The following IFT43 variants were observed in gnomAD, a reference collection of about 807,000 sequenced individuals.
IFT43 encodes the protein intraflagellar transport 43.
A neutral mutation model predicts 32.3 loss-of-function variants in IFT43; 33 were observed. The observed-to-expected ratio is 1.02, with a 90% CI of 0.77 to 1.37. The LOEUF is 1.37. IFT43 is among the 40% of genes most tolerant of loss of function. The pLI, the probability that IFT43 is intolerant of heterozygous loss-of-function variation, is 0.00. For synonymous variants in IFT43, 93 were observed against 98.2 expected (o/e 0.95, Z 0.31); for missense variants, 274 against 265.9 (o/e 1.03, Z -0.21).
intron 2 of IFT43, among the ~76,000 whole-genome samples, chr14:75,993,732 A>G (rs2035687095): frequency 6.6e-6 from 1 of 152,194 alleles, no homozygotes; most frequent in Non-Finnish European, 1.5e-5. Flanking sequence ...CTGCTCTGCT[A>G]TCTGGAGCCT....
intron 1 of IFT43, among the ~76,000 whole-genome samples, chr14:75,987,245 A>G (rs2035546960): frequency 6.6e-6 from 1 of 152,230 alleles, no homozygotes; most frequent in Non-Finnish European, 1.5e-5. Context: ...ACAAATGGAA[A>G]AGGGCAACCA....
chr14:76,057,676 T>C (rs2037045510), intron 3 of IFT43, among the ~76,000 whole-genome samples: 1 of 152,228 alleles, frequency 6.6e-6, no homozygotes, highest in Non-Finnish European at 1.5e-5. Flanking sequence ...GCCTACCCTG[T>C]CAAGGTCTAC....
At chr14:75,986,078 C>G in intron 1 of IFT43, 3 of 1,480,604 alleles carry the variant, frequency 2.0e-6, no homozygotes, top group Non-Finnish European at 2.7e-6. Context: ...CTGTCCCCGC[C>G]GGCGTCTAGG....
chr14:76,082,430 C>T, intron 6 of IFT43, 63 bp downstream of exon 6: 1 of 1,194,968 alleles, frequency 8.4e-7, no homozygotes, highest in Non-Finnish European at 1.2e-6. Context: ...CTCCAGATAT[C>T]ATCTATAGTG....
chr14:76,020,969 C>G (rs1175521773), intron 2 of IFT43, among the ~76,000 whole-genome samples: 1 of 152,138 alleles, frequency 6.6e-6, no homozygotes, highest in Non-Finnish European at 1.5e-5. Flanking sequence ...GGGAGACATA[C>G]ATGGACACTG....
intron 3 of IFT43, chr14:76,022,658 C>T (rs1382788011): frequency 6.6e-6 from 2 of 301,652 alleles, no homozygotes; most frequent in Non-Finnish European, 1.2e-5. Context: ...TTCCCATGTC[C>T]CCCCAACCTC....
chr14:76,014,317 A>C (rs2036141800), intron 2 of IFT43, among the ~76,000 whole-genome samples: 1 of 152,198 alleles, frequency 6.6e-6, no homozygotes, highest in Non-Finnish European at 1.5e-5. Context: ...GAAAGGATTA[A>C]AAATTTAAGA....
At chr14:76,058,871 G>C in intron 4 of IFT43, 197 bp downstream of exon 4, 1 of 1,503,698 alleles carries the variant, frequency 6.7e-7, no homozygotes, top group South Asian at 1.3e-5. Flanking sequence ...TGGCATTGAT[G>C]CCCATGTCCT....
rs1368432008 is a variant in IFT43 at position 76,043,394 on chromosome 14, G to A, written c.216-15248G>A. On this transcript the variant is annotated intron_variant, in intron 3 of 8. Transcript: ENST00000314067. ...CTCGTGTGCAGGGCCTGGAACTCCA[G>A]GCAGGCCCTCCTTTTTTAGGAAATA... Among the ~76,000 whole-genome samples, 4 of 152,204 alleles carry A rather than the reference G, an allele frequency of 2.6e-5. No homozygotes were observed. The Middle Eastern group carries it at 0.014, about 521-fold the overall frequency.
At chr14:75,995,100 A>G (rs944931237) in intron 2 of IFT43, among the ~76,000 whole-genome samples, 1 of 152,148 alleles carries the variant, frequency 6.6e-6, no homozygotes, top group African/African-American at 2.4e-5. Flanking sequence ...GTCCTAGTTG[A>G]GCCTTATGGT....
At chr14:76,068,939 G>C (rs1203812301) in intron 5 of IFT43, among the ~76,000 whole-genome samples, 1 of 152,164 alleles carries the variant, frequency 6.6e-6, no homozygotes, top group East Asian at 1.9e-4. Context: ...GGAAAACAGG[G>C]CTTAAACAAA....
intron 2 of IFT43, among the ~76,000 whole-genome samples, chr14:76,006,384 G>A (rs914088400): frequency 1.3e-5 from 2 of 152,208 alleles, no homozygotes; most frequent in African/African-American, 4.8e-5. Flanking sequence ...GCCATTGTCA[G>A]CTGGGGTGGT....
At chr14:76,030,472 G>C (rs75148175) in intron 3 of IFT43, among the ~76,000 whole-genome samples, 1 of 152,114 alleles carries the variant, frequency 6.6e-6, no homozygotes, top group South Asian at 2.1e-4. Flanking sequence ...TAGAATTCAC[G>C]GTCTATATAC....
chr14:76,067,442 C>T (rs371203314), intron 5 of IFT43, among the ~76,000 whole-genome samples: 66 of 151,958 alleles, frequency 4.3e-4, no homozygotes, highest in African/African-American at 1.5e-3. Flanking sequence ...TGGTGGTGCA[C>T]GCCTGTAATC....
At chr14:76,003,613 C>T (rs948954097) in intron 2 of IFT43, among the ~76,000 whole-genome samples, 1 of 150,186 alleles carries the variant, frequency 6.7e-6, no homozygotes, top group African/African-American at 2.5e-5. Context: ...GCCTGGGCTA[C>T]AGAGCGAGAC....
chr14:76,078,229 C>T (rs1396204397), intron 5 of IFT43, among the ~76,000 whole-genome samples: 2 of 152,194 alleles, frequency 1.3e-5, no homozygotes, highest in South Asian at 4.1e-4. Context: ...ATGACTGGGT[C>T]TCACGGAAGG....
intron 5 of IFT43, among the ~76,000 whole-genome samples, chr14:76,080,752 G>A (rs1056493268): frequency 1.3e-5 from 2 of 152,130 alleles, no homozygotes; most frequent in African/African-American, 2.4e-5. Context: ...TATTAATCAC[G>A]TAGAACGAGA....
intron 2 of IFT43, among the ~76,000 whole-genome samples, chr14:76,002,488 G>A (rs2035906895): frequency 6.6e-6 from 1 of 152,102 alleles, no homozygotes; most frequent in African/African-American, 2.4e-5. Flanking sequence ...TTTCAGAGAT[G>A]GAGCAGTTCC....
chr14:76,022,682 G>A (rs2036316631), intron 3 of IFT43: 3 of 246,518 alleles, frequency 1.2e-5, no homozygotes, highest in Admixed American at 1.0e-4. Flanking sequence ...AGATCTAGGT[G>A]GTTACCAGTC....
Sources: allele counts gnomAD v4.1 joint callset (sites outside exome capture counted in the v4.1 genomes callset), GRCh38; gene constraint gnomAD v4.1.1; transcripts MANE v1.5; gene names NCBI Gene and HGNC (gene_info 2026-07-23, HGNC 2026-07-21).